The following MAST4 variants were observed in gnomAD, a reference collection of about 807,000 sequenced individuals.
MAST4 encodes the protein microtubule-associated serine/threonine-protein kinase 4.
MAST4 carries 89 observed loss-of-function variants against 162.7 expected under a neutral mutation model. The observed-to-expected ratio is 0.55, with a 90% CI of 0.46 to 0.65. MAST4 has a LOEUF of 0.65. Among genes scored for constraint, MAST4 ranks in the 30% least tolerant of loss-of-function variants. The probability of loss-of-function intolerance (pLI) is 0.00; values close to 1 mark genes in which losing one functional copy is unlikely to be tolerated. For missense variants in MAST4, 3,153 were observed against 3,374.0 expected, an observed-to-expected ratio of 0.93 and a Z score of 1.62; for synonymous variants, 1,479 against 1,361.1, an observed-to-expected ratio of 1.09 and a Z score of -1.91.
At chr5:66,866,855 T>G (rs762796321) in intron 3 of MAST4, among the ~76,000 whole-genome samples, 1 of 152,214 alleles carries the variant, frequency 6.6e-6, no homozygotes, top group Non-Finnish European at 1.5e-5. Context: ...GCCCAAGTGA[T>G]CCTCCTGCCT....
At chr5:67,042,870 T>C (rs1756935374) in intron 4 of MAST4, among the ~76,000 whole-genome samples, 1 of 152,216 alleles carries the variant, frequency 6.6e-6, no homozygotes, top group Admixed American at 6.5e-5. Flanking sequence ...GGAGCTCTGG[T>C]GTCGGTTTCT....
intron 26 of MAST4, among the ~76,000 whole-genome samples, chr5:67,156,693 G>A (rs1014904944): frequency 1.3e-5 from 2 of 152,258 alleles, no homozygotes; most frequent in Non-Finnish European, 2.9e-5. Context: ...CCAGCAGGCT[G>A]AAGCCTGGGT....
At chr5:67,119,426 G>A (rs114068954) in intron 13 of MAST4, among the ~76,000 whole-genome samples, 2,359 of 152,230 alleles carry the variant, frequency 0.015, 39 homozygotes, top group African/African-American at 0.042. Flanking sequence ...CATCAGAGTA[G>A]GGGTTAGGAA....
intron 3 of MAST4, among the ~76,000 whole-genome samples, chr5:66,881,337 A>AATGAGTATG (rs1377020852): frequency 3.9e-5 from 6 of 152,182 alleles, no homozygotes; most frequent in Admixed American, 3.9e-4. Flanking sequence ...TAAAGATCAT[A>AATGAGTATG]CTCATTATGG....
intron 5 of MAST4, among the ~76,000 whole-genome samples, chr5:67,064,154 G>A (rs1174019556): frequency 1.3e-5 from 2 of 152,150 alleles, no homozygotes; most frequent in Non-Finnish European, 2.9e-5. Flanking sequence ...ATTGAAAGGA[G>A]AGTTGGAGTG....
chr5:66,845,126 T>TACACACACACAC (rs1554058478), intron 3 of MAST4, among the ~76,000 whole-genome samples: 13 of 67,176 alleles, frequency 1.9e-4, no homozygotes, highest in African/African-American at 7.3e-4. Flanking sequence ...TATATATATA[T>TACACACACACAC]ACACACACAC....
chr5:66,841,763 A>G (rs1428988537), intron 3 of MAST4, among the ~76,000 whole-genome samples: 2 of 152,134 alleles, frequency 1.3e-5, no homozygotes, highest in African/African-American at 4.8e-5. Context: ...GGATACACAC[A>G]TTCATACCAC....
intron 1 of MAST4, among the ~76,000 whole-genome samples, chr5:66,739,969 G>A (rs970767195): frequency 3.3e-5 from 5 of 151,220 alleles, no homozygotes; most frequent in African/African-American, 4.9e-5. Flanking sequence ...GTAGTACTAT[G>A]TTTAGGGCTA....
intron 4 of MAST4, among the ~76,000 whole-genome samples, chr5:66,901,934 T>C (rs1763036279): frequency 6.6e-6 from 1 of 152,140 alleles, no homozygotes; most frequent in Admixed American, 6.5e-5. Context: ...GAAAATACTT[T>C]TTAAAATAAA....
At chr5:66,910,354 G>A (rs894839248) in intron 4 of MAST4, among the ~76,000 whole-genome samples, 3 of 152,144 alleles carry the variant, frequency 2.0e-5, no homozygotes, top group African/African-American at 7.2e-5. Flanking sequence ...GCAGTAACTG[G>A]CAGTCCCCAA....
intron 1 of MAST4, among the ~76,000 whole-genome samples, chr5:66,652,168 CA>C (rs1249848597): frequency 6.6e-6 from 1 of 152,056 alleles, no homozygotes; most frequent in Non-Finnish European, 1.5e-5. Flanking sequence ...AGTGAAGGAG[CA>C]AAGAAGTTAA....
At chr5:66,926,992 C>T (rs2150063288) in intron 4 of MAST4, among the ~76,000 whole-genome samples, 1 of 152,228 alleles carries the variant, frequency 6.6e-6, no homozygotes, top group South Asian at 2.1e-4. Context: ...AGTGAATATA[C>T]AGGTAGGTAT....
intron 4 of MAST4, among the ~76,000 whole-genome samples, chr5:66,906,205 C>T (rs71626458): frequency 0.033 from 4,991 of 152,168 alleles, 152 homozygotes; most frequent in African/African-American, 0.076. Flanking sequence ...GTCAGCTGGT[C>T]GGTTGTGCTG....
chr5:66,761,025 C>G (rs1253311572), intron 2 of MAST4, among the ~76,000 whole-genome samples: 1 of 152,100 alleles, frequency 6.6e-6, no homozygotes, highest in East Asian at 1.9e-4. Flanking sequence ...TTTTACATTC[C>G]TGACAGGTAT....
intron 2 of MAST4, among the ~76,000 whole-genome samples, chr5:66,788,135 C>T (rs1561331048): frequency 6.6e-6 from 1 of 152,146 alleles, no homozygotes; most frequent in East Asian, 1.9e-4. Context: ...ATTATGTATC[C>T]CACAGACACA....
At chr5:66,883,422 GTTTTTTTTTTTT>G (rs36071165) in intron 3 of MAST4, among the ~76,000 whole-genome samples, 7 of 97,254 alleles carry the variant, frequency 7.2e-5, no homozygotes, top group South Asian at 7.6e-4. Flanking sequence ...TTCTGTCACT[GTTTTTTTTTTTT>G]TTTTTTTTTT....
At position 66,890,392 on chromosome 5, in the gene MAST4, C is replaced by T. The variant is rs114465758; in HGVS notation, c.643-9559C>T. On this transcript the variant is annotated intron_variant, in intron 3 of 28. Coordinates refer to ENST00000403625, the MANE Select transcript of MAST4 (RefSeq NM_001164664.2). ...TGTACAAATGTCTGATTCTCAAGCT[C>T]GATTTTGACATCAAGGGTATAATGT... 2.3e-3 allele frequency among the ~76,000 whole-genome samples: 350 copies of T among 152,164 alleles called. 1 individual carries two copies. Among genetic ancestry groups the T allele is most frequent in the African/African-American group, 7.9e-3 (329 of 41,528 alleles).
In MAST4 at chr5:67,130,405, G is replaced by A. The variant is rs753670902; in HGVS notation, c.1941G>A (p.Met647Ile). The A allele has an allele frequency of 2.5e-6, 4 of 1,613,792 alleles. No individual in the cohort carries two copies. The Admixed American group carries it at 6.7e-5, about 27-fold the overall frequency. The change falls in exon 15 of 29, where the codon ATG (methionine) becomes ATA (isoleucine). Residue 647 changes from methionine to isoleucine, a missense_variant. Met to Ile is a conservative substitution (Grantham distance 10, BLOSUM62 1). Around this residue, in one of 7 missense-constraint regions of MAST4, gnomAD observed 131 missense variants for 253.8 expected, o/e 0.52. Transcript: ENST00000403625. ...CAAGGCGCCACTTGTGCATGGTCAT[G>A]GAATATGTGGAAGGTATCTGACACG... ...FETRRHLCMV[M>I]EYVEGGDCAT... is the part of the protein sequence containing the mutation.
intron 1 of MAST4, among the ~76,000 whole-genome samples, chr5:66,597,882 A>G (rs1406814452): frequency 6.6e-6 from 1 of 151,598 alleles, no homozygotes; most frequent in East Asian, 2.0e-4. Context: ...TTCACGTCTC[A>G]GAGCCAGACT....
Sources: allele counts gnomAD v4.1 joint callset (sites outside exome capture counted in the v4.1 genomes callset), GRCh38; gene constraint gnomAD v4.1.1; regional missense constraint gnomAD v4.1.1; transcripts MANE v1.5; gene names NCBI Gene and HGNC (gene_info 2026-07-23, HGNC 2026-07-21).